Variants in DAPK1 observed in about 807,000 individuals in gnomAD.
DAPK1 encodes death-associated protein kinase 1.
DAPK1 carries 56 observed loss-of-function variants against 144.9 expected under a neutral mutation model. The observed-to-expected ratio is 0.39, with a 90% CI of 0.31 to 0.48. The LOEUF is 0.48. DAPK1 is among the 20% of genes least tolerant of loss of function. DAPK1 has a pLI of 0.95. For synonymous variants in DAPK1, 690 were observed against 749.0 expected (o/e 0.92, Z 1.29); for missense variants, 1,454 against 1,875.4 (o/e 0.78, Z 4.15).
intron 2 of DAPK1, among the ~76,000 whole-genome samples, chr9:87,551,391 C>T (rs1393385594): frequency 6.6e-6 from 1 of 152,150 alleles, no homozygotes; most frequent in African/African-American, 2.4e-5. Flanking sequence ...TATGATCCAC[C>T]CACCTTGGCC....
At chr9:87,618,588 C>T (rs1829180661) in intron 3 of DAPK1, among the ~76,000 whole-genome samples, 1 of 152,128 alleles carries the variant, frequency 6.6e-6, no homozygotes, top group African/African-American at 2.4e-5. Flanking sequence ...TGTTACTTGG[C>T]AAGGAAAATA....
chr9:87,511,012 A>G (rs1490343551), intron 2 of DAPK1, among the ~76,000 whole-genome samples: 2 of 152,168 alleles, frequency 1.3e-5, no homozygotes, highest in East Asian at 3.9e-4. Flanking sequence ...ACAGTATAAC[A>G]TGCTTCTGAA....
In DAPK1 at chr9:87,642,066, T is replaced by G. The variant is rs1196774305; in HGVS notation, c.918+8T>G. ...GCCCGGAAAAAATGGAAAGTAAGAT[T>G]GTTTGTTGTGGAGGGATTAACAAAT... On this transcript the variant is annotated splice_region_variant and intron_variant, in intron 10 of 25. Transcript: ENST00000408954. 1 of 1,612,710 alleles carries G rather than the reference T, an allele frequency of 6.2e-7. No homozygotes were observed. The highest frequency in any genetic ancestry group is 8.5e-7 in the Non-Finnish European group (1 of 1,178,886).
At chr9:87,650,881 C>G (rs553881642) in intron 16 of DAPK1, among the ~76,000 whole-genome samples, 38 of 152,316 alleles carry the variant, frequency 2.5e-4, no homozygotes, top group African/African-American at 8.7e-4. Flanking sequence ...CAGAGAATCA[C>G]CCAGCTCCAA....
At chr9:87,678,114 A>G (rs1470845825) in intron 19 of DAPK1, among the ~76,000 whole-genome samples, 2 of 152,162 alleles carry the variant, frequency 1.3e-5, no homozygotes, top group African/African-American at 4.8e-5. Flanking sequence ...AGAAGAAAAC[A>G]CCAGAGTACA....
At chr9:87,628,304 G>A (rs982663216) in intron 3 of DAPK1, among the ~76,000 whole-genome samples, 1 of 152,192 alleles carries the variant, frequency 6.6e-6, no homozygotes, top group African/African-American at 2.4e-5. Context: ...AAAGAAGCTA[G>A]GGCTAATTCA....
At chr9:87,676,144 G>A (rs1824370220) in intron 19 of DAPK1, among the ~76,000 whole-genome samples, 1 of 152,216 alleles carries the variant, frequency 6.6e-6, no homozygotes, top group South Asian at 2.1e-4. Context: ...TCCCCTAGAG[G>A]TGTTGGCTGC....
At chr9:87,509,732 C>T (rs553424232) in intron 2 of DAPK1, among the ~76,000 whole-genome samples, 153 of 152,326 alleles carry the variant, frequency 1.0e-3, no homozygotes, top group African/African-American at 3.5e-3. Context: ...ATTGGCTTTG[C>T]CATTCAAAGT....
At chr9:87,618,595 A>G (rs2119028598) in intron 3 of DAPK1, among the ~76,000 whole-genome samples, 1 of 152,370 alleles carries the variant, frequency 6.6e-6, no homozygotes, top group South Asian at 2.1e-4. Flanking sequence ...TGGCAAGGAA[A>G]ATAACTGTGA....
rs867668473 is a variant in DAPK1 at position 87,525,227 on chromosome 9, C to G, written c.62+26088C>G. ...TTTCTGCGTCTGTTTTTCACCCTAC[C>G]CAATGCAGTGCTTACCTAAAAAATG... On this transcript the variant is annotated intron_variant, in intron 2 of 25. Transcript: ENST00000408954. 85 of 1,014,586 alleles carry G rather than the reference C, an allele frequency of 8.4e-5. No homozygotes were observed. The African/African-American group carries it at 9.9e-4, about 12-fold the overall frequency. 62.8% of individuals were successfully genotyped at this position (1,014,586 alleles called of 1,614,324 possible).
intron 2 of DAPK1, among the ~76,000 whole-genome samples, chr9:87,521,880 A>G (rs907673871): frequency 6.6e-6 from 1 of 152,248 alleles, no homozygotes; most frequent in Non-Finnish European, 1.5e-5. Context: ...GGATTAATTC[A>G]TACGTGGGTT....
intron 2 of DAPK1, among the ~76,000 whole-genome samples, chr9:87,521,894 G>A (rs777757545): frequency 6.6e-6 from 1 of 152,222 alleles, no homozygotes; most frequent in Non-Finnish European, 1.5e-5. Context: ...GTGGGTTAGT[G>A]GATGAAAGGG....
chr9:87,509,171 C>T (rs1201596303), intron 2 of DAPK1, among the ~76,000 whole-genome samples: 2 of 152,270 alleles, frequency 1.3e-5, no homozygotes, highest in East Asian at 1.9e-4. Context: ...TGCAGGTATA[C>T]GTATCCTGTA....
intron 14 of DAPK1, 129 bp downstream of exon 14, chr9:87,647,532 A>AT (rs1830312948): frequency 2.6e-6 from 2 of 756,492 alleles, no homozygotes; most frequent in Non-Finnish European, 4.6e-6. Flanking sequence ...CCTGCAGAAC[A>AT]TTTAAGTTGG....
chr9:87,654,829 T>C (rs1485224308), intron 17 of DAPK1, among the ~76,000 whole-genome samples: 2 of 152,198 alleles, frequency 1.3e-5, no homozygotes, highest in Non-Finnish European at 2.9e-5. Context: ...GAGCATCTCA[T>C]GGTGCTTTGC....
chr9:87,543,872 GT>G (rs1344139809), intron 2 of DAPK1, among the ~76,000 whole-genome samples: 3 of 152,080 alleles, frequency 2.0e-5, no homozygotes, highest in Non-Finnish European at 4.4e-5. Context: ...TTATGCTATA[GT>G]TTTAAGGATT....
At chr9:87,508,377 T>C (rs1824693159) in intron 2 of DAPK1, among the ~76,000 whole-genome samples, 1 of 150,346 alleles carries the variant, frequency 6.7e-6, no homozygotes, top group African/African-American at 2.5e-5. Context: ...GAGTCTTGCT[T>C]TGTCGCCCAG....
At chr9:87,528,714 A>T (rs577296941) in intron 2 of DAPK1, among the ~76,000 whole-genome samples, 1 of 151,896 alleles carries the variant, frequency 6.6e-6, no homozygotes, top group South Asian at 2.1e-4. Flanking sequence ...TACTAAAAAT[A>T]CAAAAAAACT....
At chr9:87,535,683 T>G (rs1825836336) in intron 2 of DAPK1, among the ~76,000 whole-genome samples, 1 of 152,202 alleles carries the variant, frequency 6.6e-6, no homozygotes, top group African/African-American at 2.4e-5. Flanking sequence ...TCTCTTAGAT[T>G]ATGGTGATTC....
Sources: allele counts gnomAD v4.1 joint callset (sites outside exome capture counted in the v4.1 genomes callset), GRCh38; gene constraint gnomAD v4.1.1; transcripts MANE v1.5; gene names NCBI Gene and HGNC (gene_info 2026-07-23, HGNC 2026-07-21).